Variants in FAF2 observed in about 807,000 individuals in gnomAD.
The protein encoded by FAF2 is Fas associated factor family member 2, also known as FAS-associated factor 2.
In FAF2, 9 loss-of-function variants were observed where a neutral mutation model predicts 62.3. That is an observed-to-expected ratio of 0.14 (90% CI 0.09 to 0.25). FAF2 has a LOEUF of 0.25. FAF2 is among the 10% of genes least tolerant of loss of function. FAF2 has a pLI of 1.00. For missense variants in FAF2, 368 were observed against 556.2 expected (o/e 0.66, Z 3.40); for synonymous variants, 202 against 198.0 (o/e 1.02, Z -0.17).
chr5:176,476,804 A>ATTTTTT (rs749952460), intron 1 of FAF2, among the ~76,000 whole-genome samples: 3 of 92,876 alleles, frequency 3.2e-5, no homozygotes, highest in African/African-American at 9.7e-5. Context: ...TGCTGAACTA[A>ATTTTTT]TTTTTTTTTT....
chr5:176,495,342 C>T (rs1023383614), intron 7 of FAF2, among the ~76,000 whole-genome samples: 5 of 152,000 alleles, frequency 3.3e-5, no homozygotes, highest in African/African-American at 1.2e-4. Flanking sequence ...TTCCTGCATG[C>T]GTTTTGCCAT....
rs541320714 is a variant in FAF2 at position 176,496,557 on chromosome 5, G to A, written c.733G>A (p.Val245Met). The stretch of plus-strand genomic sequence containing the variant: ...TATGCTGAAGGATCGAAGGATGACT[G>A]TGGTGGGACGGCTAGAAGGCCTCAT... ...MIMLKDRRMTVVGRLEGLIQP... is the reference protein window; with the variant it reads ...MIMLKDRRMTMVGRLEGLIQP... Residue 245 changes from valine (V) to methionine (M), a missense_variant, in exon 8 of 11, where the codon GTG (valine) becomes ATG (methionine). Val to Met is a conservative substitution (Grantham distance 21). Coordinates refer to ENST00000261942, the MANE Select transcript of FAF2 (RefSeq NM_014613.3). 2.5e-6 allele frequency: 4 copies of A among 1,613,408 alleles called. No homozygotes were observed. Among genetic ancestry groups the A allele is most frequent in the South Asian group, 2.2e-5 (2 of 91,040 alleles).
At chr5:176,504,650 T>C (rs1412713971) in intron 10 of FAF2, among the ~76,000 whole-genome samples, 1 of 152,052 alleles carries the variant, frequency 6.6e-6, no homozygotes, top group Admixed American at 6.6e-5. Context: ...TAAGTCTAAT[T>C]GATGCATGTT....
intron 1 of FAF2, among the ~76,000 whole-genome samples, chr5:176,449,422 A>C (rs534157963): frequency 6.6e-6 from 1 of 152,274 alleles, no homozygotes; most frequent in African/African-American, 2.4e-5. Flanking sequence ...TAAAAATACA[A>C]ATATTAGCCG....
intron 1 of FAF2, among the ~76,000 whole-genome samples, chr5:176,468,445 G>A (rs961720923): frequency 1.3e-5 from 2 of 152,078 alleles, no homozygotes; most frequent in African/African-American, 2.4e-5. Context: ...TTAGGCGGGC[G>A]TGGTCGTGGG....
At chr5:176,493,932 C>A in intron 5 of FAF2, 67 bp from the exon 6 acceptor site, 1 of 1,059,730 alleles carries the variant, frequency 9.4e-7, no homozygotes, top group South Asian at 1.4e-5. Flanking sequence ...TCCATTAGGA[C>A]CCTTAGCTTA....
intron 1 of FAF2, among the ~76,000 whole-genome samples, chr5:176,469,918 A>G (rs1306335952): frequency 1.3e-5 from 2 of 152,332 alleles, no homozygotes; most frequent in Non-Finnish European, 2.9e-5. Context: ...CACAGGTAAG[A>G]GAAAATAGAG....
At chr5:176,449,716 T>G (rs1758132099) in intron 1 of FAF2, among the ~76,000 whole-genome samples, 1 of 152,252 alleles carries the variant, frequency 6.6e-6, no homozygotes, top group African/African-American at 2.4e-5. Flanking sequence ...CTAAAGTTAT[T>G]GATACACTTA....
chr5:176,455,967 G>A (rs1758271967), intron 1 of FAF2, among the ~76,000 whole-genome samples: 2 of 151,090 alleles, frequency 1.3e-5, no homozygotes, highest in South Asian at 4.1e-4. Flanking sequence ...GATTAGTTAT[G>A]GGTCTCATTC....
chr5:176,500,427 C>T (rs766205839), intron 10 of FAF2, among the ~76,000 whole-genome samples: 26 of 152,122 alleles, frequency 1.7e-4, no homozygotes, highest in Non-Finnish European at 3.5e-4. Flanking sequence ...TACATAAGTC[C>T]CTCAAAAGAC....
chr5:176,459,813 A>G (rs1758344213), intron 1 of FAF2, among the ~76,000 whole-genome samples: 1 of 152,038 alleles, frequency 6.6e-6, no homozygotes, highest in African/African-American at 2.4e-5. Flanking sequence ...TGTTGTATGA[A>G]TGATCCCATA....
At chr5:176,455,949 A>G (rs1395215083) in intron 1 of FAF2, among the ~76,000 whole-genome samples, 1 of 152,174 alleles carries the variant, frequency 6.6e-6, no homozygotes, top group Non-Finnish European at 1.5e-5. Flanking sequence ...CTTTGACTTC[A>G]GTTAATTGAT....
chr5:176,490,543 G>C (rs1035125847), intron 4 of FAF2, among the ~76,000 whole-genome samples: 2 of 152,054 alleles, frequency 1.3e-5, no homozygotes, highest in African/African-American at 4.8e-5. Context: ...CCTCTAGGGA[G>C]CAGAGGCTGA....
intron 2 of FAF2, among the ~76,000 whole-genome samples, chr5:176,484,569 A>G (rs1161237099): frequency 6.6e-6 from 1 of 152,208 alleles, no homozygotes; most frequent in Non-Finnish European, 1.5e-5. Context: ...TATGCTAGAG[A>G]GAAGCCAGGA....
chr5:176,500,780 TAGTC>T (rs70991557), intron 10 of FAF2, among the ~76,000 whole-genome samples: 10,985 of 152,182 alleles, frequency 0.072, 450 homozygotes, highest in Middle Eastern at 0.16. Context: ...TGTGTTTCCT[TAGTC>T]AGTTTATTTA....
At chr5:176,484,008 AAGTTGCAGTGAGCCG>A (rs1758830333) in intron 2 of FAF2, among the ~76,000 whole-genome samples, 1 of 151,908 alleles carries the variant, frequency 6.6e-6, no homozygotes, top group South Asian at 2.1e-4. Flanking sequence ...TGGGAGGGGG[AAGTTGCAGTGAGCCG>A]AGATTGTACC....
chr5:176,471,399 T>G (rs1758566601), intron 1 of FAF2, among the ~76,000 whole-genome samples: 1 of 62,330 alleles, frequency 1.6e-5, no homozygotes. Context: ...TTTTTTTTTT[T>G]GAGACAGAGT....
At chr5:176,476,099 A>G (rs757037215) in intron 1 of FAF2, among the ~76,000 whole-genome samples, 8 of 152,102 alleles carry the variant, frequency 5.3e-5, no homozygotes, top group Non-Finnish European at 1.2e-4. Flanking sequence ...CTACCCAAGA[A>G]AAATAGAAAA....
chr5:176,505,300 C>G (rs1228631204), intron 10 of FAF2, among the ~76,000 whole-genome samples: 1 of 152,148 alleles, frequency 6.6e-6, no homozygotes. Context: ...GTGGCCTGTT[C>G]CACAGGCATC....
Sources: gnomAD v4.1 joint callset for allele counts (sites outside exome capture counted in the v4.1 genomes callset) on GRCh38, gnomAD v4.1.1 for gene constraint, MANE v1.5 for transcripts, NCBI Gene and HGNC (gene_info 2026-07-23, HGNC 2026-07-21) for gene names.